The following DAAM1 variants were observed in gnomAD, a reference collection of about 807,000 sequenced individuals.
DAAM1 encodes the protein disheveled-associated activator of morphogenesis 1.
Under a neutral mutation model 130.0 loss-of-function variants are expected in DAAM1, and 52 were observed. The ratio of observed to expected loss-of-function variants is 0.40; its 90% CI spans 0.32 to 0.50. DAAM1 has a LOEUF of 0.50. DAAM1 is among the 20% of genes least tolerant of loss of function. The pLI, the probability that DAAM1 is intolerant of heterozygous loss-of-function variation, is 0.61. For synonymous variants in DAAM1, 452 were observed against 444.5 expected, an observed-to-expected ratio of 1.02 and a Z score of -0.21; for missense variants, 1,134 against 1,303.8, an observed-to-expected ratio of 0.87 and a Z score of 2.01.
chr14:59,344,895 C>A (rs1474275934), intron 16 of DAAM1, among the ~76,000 whole-genome samples: 1 of 152,092 alleles, frequency 6.6e-6, no homozygotes, highest in Non-Finnish European at 1.5e-5. Context: ...AAGGACTCAG[C>A]AGAACTACAC....
In DAAM1 at chr14:59,331,379, C is replaced by T. The variant is rs763452670; in HGVS notation, c.1731C>T (p.Pro577=). 3.1e-6 allele frequency: 5 copies of T among 1,613,232 alleles called. No homozygotes were observed. The highest frequency in any genetic ancestry group is 4.2e-6 in the Non-Finnish European group (5 of 1,179,904). ...TCCCTCCAGGTGGCCCTCCTCCTCC[C>T]CCAGGGCCTCCTCCCTTAGGGGCAA... ...PPLPPGGPPP[P]PGPPPLGAIM... The change falls in exon 14 of 25, where the codon CCC becomes CCT. Residue 577 remains proline (P), a synonymous_variant. Transcript: ENST00000360909.
At chr14:59,207,239 T>C (rs1375200976) in intron 1 of DAAM1, among the ~76,000 whole-genome samples, 2 of 152,230 alleles carry the variant, frequency 1.3e-5, no homozygotes, top group Admixed American at 6.5e-5. Flanking sequence ...CAATGTTTGC[T>C]TATCTTTTCT....
At chr14:59,328,063 T>C (rs921376047) in intron 12 of DAAM1, among the ~76,000 whole-genome samples, 3 of 152,254 alleles carry the variant, frequency 2.0e-5, no homozygotes, top group Non-Finnish European at 4.4e-5. Context: ...TCCAAGTTAT[T>C]CACTCACAGC....
At chr14:59,248,912 C>T (rs945706923) in intron 1 of DAAM1, among the ~76,000 whole-genome samples, 4 of 152,130 alleles carry the variant, frequency 2.6e-5, no homozygotes, top group African/African-American at 9.7e-5. Context: ...CTCAGCCTCC[C>T]AAGTAGCTGG....
chr14:59,354,920 G>C (rs61984523), intron 19 of DAAM1, among the ~76,000 whole-genome samples: 11,408 of 152,282 alleles, frequency 0.075, 591 homozygotes, highest in South Asian at 0.14. Flanking sequence ...AGAAAGGCCT[G>C]AGAAAGGATA....
chr14:59,360,133 T>C (rs928656501), intron 21 of DAAM1, among the ~76,000 whole-genome samples: 8 of 152,216 alleles, frequency 5.3e-5, no homozygotes, highest in Admixed American at 2.0e-4. Context: ...AAATAAGGCA[T>C]GAAATTAAAT....
intron 1 of DAAM1, among the ~76,000 whole-genome samples, chr14:59,221,159 C>T (rs1888759258): frequency 6.6e-6 from 1 of 152,230 alleles, no homozygotes; most frequent in African/African-American, 2.4e-5. Flanking sequence ...CTTATCCCTT[C>T]TCTGGAAGTG....
At chr14:59,204,136 A>G (rs1177904761) in intron 1 of DAAM1, among the ~76,000 whole-genome samples, 1 of 152,250 alleles carries the variant, frequency 6.6e-6, no homozygotes, top group Non-Finnish European at 1.5e-5. Context: ...ATAATACATT[A>G]CCACAAACTT....
At chr14:59,288,437 G>A in intron 2 of DAAM1, among the ~76,000 whole-genome samples, 1 of 152,112 alleles carries the variant, frequency 6.6e-6, no homozygotes, top group Admixed American at 6.6e-5. Context: ...TGATTAAACA[G>A]TTTCTCCACA....
At chr14:59,221,334 A>G (rs1342612032) in intron 1 of DAAM1, among the ~76,000 whole-genome samples, 1 of 152,274 alleles carries the variant, frequency 6.6e-6, no homozygotes, top group African/African-American at 2.4e-5. Flanking sequence ...ATATATGTTT[A>G]TATACACACA....
chr14:59,280,624 C>T (rs1594797176), intron 2 of DAAM1, among the ~76,000 whole-genome samples: 1 of 142,232 alleles, frequency 7.0e-6, no homozygotes, highest in African/African-American at 2.6e-5. Context: ...ATTGAGTTCG[C>T]GTCTTTTGGG....
At chr14:59,319,921 AACACAC>A (rs10566854) in intron 4 of DAAM1, among the ~76,000 whole-genome samples, 5 of 150,306 alleles carry the variant, frequency 3.3e-5, no homozygotes, top group African/African-American at 7.3e-5. Context: ...CCTGGGTAGA[AACACAC>A]ACACACACAC....
chr14:59,343,909 A>G (rs770963944), intron 16 of DAAM1, among the ~76,000 whole-genome samples: 19 of 152,222 alleles, frequency 1.2e-4, no homozygotes, highest in Non-Finnish European at 2.4e-4. Flanking sequence ...GGAAGAGAGT[A>G]GAATGGGCAC....
chr14:59,300,985 G>T (rs796510211), intron 3 of DAAM1, among the ~76,000 whole-genome samples: 5 of 152,242 alleles, frequency 3.3e-5, no homozygotes, highest in African/African-American at 1.2e-4. Context: ...TTATTGAGTT[G>T]TTTGATATGA....
intron 3 of DAAM1, among the ~76,000 whole-genome samples, chr14:59,297,934 A>G (rs193103687): frequency 1.3e-5 from 2 of 152,298 alleles, no homozygotes; most frequent in African/African-American, 4.8e-5. Context: ...TACTGTGTAA[A>G]ACTTTGTAAT....
Position 59,285,719 on chromosome 14 carries a change from C to T in DAAM1, c.184-5498C>T, listed in dbSNP as rs114226057. Among the ~76,000 whole-genome samples the T allele has an allele frequency of 6.2e-3, 938 of 152,258 alleles. 9 individuals are homozygous for T. The highest frequency in any genetic ancestry group is 0.022 in the African/African-American group (907 of 41,564). On this transcript the variant is annotated intron_variant, in intron 2 of 24. Coordinates refer to ENST00000360909, the MANE Select transcript of DAAM1 (RefSeq NM_001270520.2). The stretch of plus-strand genomic sequence containing the variant: ...TAAAGGGCCCAAGCCAACAAGAAGA[C>T]TTAACTATCCTAAATATATACATAC...
At chr14:59,213,416 T>C (rs1338998064) in intron 1 of DAAM1, among the ~76,000 whole-genome samples, 1 of 150,140 alleles carries the variant, frequency 6.7e-6, no homozygotes, top group African/African-American at 2.5e-5. Flanking sequence ...TCACACATGA[T>C]TAAATGCAAT....
intron 1 of DAAM1, among the ~76,000 whole-genome samples, chr14:59,215,038 T>C (rs1888535202): frequency 6.6e-6 from 1 of 152,244 alleles, no homozygotes; most frequent in Non-Finnish European, 1.5e-5. Flanking sequence ...ATAAAATGTT[T>C]CCTCTTGTCT....
At chr14:59,210,031 G>C (rs1888379968) in intron 1 of DAAM1, among the ~76,000 whole-genome samples, 1 of 152,142 alleles carries the variant, frequency 6.6e-6, no homozygotes, top group Non-Finnish European at 1.5e-5. Flanking sequence ...AGCTACTTGG[G>C]GTGTGTGGGC....
Sources: gnomAD v4.1 joint callset for allele counts (sites outside exome capture counted in the v4.1 genomes callset) on GRCh38, gnomAD v4.1.1 for gene constraint, MANE v1.5 for transcripts, NCBI Gene and HGNC (gene_info 2026-07-23, HGNC 2026-07-21) for gene names.